TTC27: variants seen among roughly 807,000 people sequenced by gnomAD.
TTC27 encodes tetratricopeptide repeat domain 27.
TTC27 carries 79 observed loss-of-function variants against 115.9 expected under a neutral mutation model. The ratio of observed to expected loss-of-function variants is 0.68; its 90% CI spans 0.57 to 0.82. The LOEUF (loss-of-function observed/expected upper bound fraction) is 0.82, where lower values mean the gene tolerates loss of function less well. TTC27 is among the 40% of genes least tolerant of loss of function. TTC27 has a pLI of 0.00. For synonymous variants in TTC27, 401 were observed against 356.0 expected, an observed-to-expected ratio of 1.13 and a Z score of -1.42; for missense variants, 1,054 against 993.1, an observed-to-expected ratio of 1.06 and a Z score of -0.82.
intron 12 of TTC27, among the ~76,000 whole-genome samples, chr2:32,743,168 A>C (rs973945806): frequency 6.6e-6 from 1 of 152,010 alleles, no homozygotes; most frequent in Non-Finnish European, 1.5e-5. Context: ...TAATATACTG[A>C]CCAGTTGCAA....
chr2:32,791,491 ATTT>A (rs1670533627), intron 16 of TTC27, among the ~76,000 whole-genome samples: 1 of 152,190 alleles, frequency 6.6e-6, no homozygotes, highest in African/African-American at 2.4e-5. Context: ...AATACTCCTC[ATTT>A]TATAGTTGAT....
At position 32,628,345 on chromosome 2, in the gene TTC27, G is replaced by C. The variant is rs771093044; in HGVS notation, c.53G>C (p.Arg18Pro). Residue 18 changes from arginine (R) to proline (P), a missense_variant, in exon 1 of 20, where the codon CGG becomes CCG. Arg to Pro is a moderately radical substitution (Grantham distance 103). Transcript: ENST00000317907. ...AGGGGATTCCCCACTGAGGCTGAGCGGCAGCAATGGAAACAGGAGGGGGTC... is the reference window on the plus strand; with the variant it reads ...AGGGGATTCCCCACTGAGGCTGAGCCGCAGCAATGGAAACAGGAGGGGGTC... ...ILRGFPTEAE[R>P]QQWKQEGVVG... 1 of 1,607,714 alleles carries C rather than the reference G, an allele frequency of 6.2e-7. No homozygotes were observed. The highest frequency in any genetic ancestry group is 8.5e-7 in the Non-Finnish European group (1 of 1,178,088).
intron 13 of TTC27, among the ~76,000 whole-genome samples, chr2:32,772,548 G>A (rs1669864098): frequency 6.6e-6 from 1 of 152,098 alleles, no homozygotes; most frequent in Non-Finnish European, 1.5e-5. Flanking sequence ...TAAATTCCAT[G>A]AGACACTCCA....
rs1369152655 is a variant in TTC27 at position 32,787,139 on chromosome 2, A to G, written c.1988A>G (p.Lys663Arg). The change falls in exon 16 of 20, where the codon AAA becomes AGA. Residue 663 changes from lysine (K) to arginine (R), a missense_variant. Lys to Arg is a conservative substitution (Grantham distance 26). Transcript: ENST00000317907. ...HRLLDLRDKYKDVQVLKILVR... is the reference protein window; with the variant it reads ...HRLLDLRDKYRDVQVLKILVR... ...CTCTTGGACTTACGTGACAAATACAAAGATGTTCAGGTAGGATATTCCTAT... is the reference window on the plus strand; with the variant it reads ...CTCTTGGACTTACGTGACAAATACAGAGATGTTCAGGTAGGATATTCCTAT... 1 of 1,611,976 alleles carries G rather than the reference A, an allele frequency of 6.2e-7. No individual in the cohort carries two copies. Among genetic ancestry groups the G allele is most frequent in the Admixed American group, 1.7e-5 (1 of 59,466 alleles).
chr2:32,726,814 C>A (rs75499843), intron 10 of TTC27, among the ~76,000 whole-genome samples: 1 of 152,074 alleles, frequency 6.6e-6, no homozygotes, highest in Non-Finnish European at 1.5e-5. Context: ...CATAGGAAAA[C>A]GGGGTTTAAT....
At chr2:32,629,368 C>A (rs1010831652) in intron 1 of TTC27, among the ~76,000 whole-genome samples, 9 of 152,158 alleles carry the variant, frequency 5.9e-5, no homozygotes, top group Admixed American at 1.3e-4. Flanking sequence ...GATCCACCCG[C>A]CTCGGCCTCC....
At chr2:32,766,418 A>G in intron 13 of TTC27, 1 of 320,370 alleles carries the variant, frequency 3.1e-6, no homozygotes, top group Non-Finnish European at 6.4e-6. Context: ...GAACGCTGAG[A>G]GGCACTGTAG....
Position 32,717,261 on chromosome 2 carries a change from ACTGTGT to A in TTC27, c.1233+14345_1233+14350del, listed in dbSNP as rs199903751. Among the ~76,000 whole-genome samples the A allele has an allele frequency of 3.1e-4, 47 of 152,302 alleles. 1 individual carries two copies. In the East Asian group the frequency reaches 8.7e-3, roughly 28 times the overall value. On this transcript the variant is annotated intron_variant, in intron 10 of 19. Transcript: ENST00000317907. ...AGTGCTGGGATTACAGGCATGAGCC[ACTGTGT>A]CTGGCCTATATGTTGATTTTTTTAA...
chr2:32,820,872 A>C lies in TTC27; in HGVS notation c.2466A>C (p.Ile822=). Residue 822 remains isoleucine (I), a synonymous_variant, in exon 20 of 20, where the codon ATA becomes ATC. Coordinates refer to ENST00000317907, the MANE Select transcript of TTC27 (RefSeq NM_017735.5). ...GEMSRELADD[I]TAMDTLVTEL... is the part of the protein sequence containing the mutation. ...TGTCCAGGGAATTAGCTGATGACATAACAGCTATGGACACCTTAGTGACAG... is the reference window on the plus strand; with the variant it reads ...TGTCCAGGGAATTAGCTGATGACATCACAGCTATGGACACCTTAGTGACAG... 1.3e-6 allele frequency: 2 copies of C among 1,545,414 alleles called. No individual in the cohort carries two copies. Among genetic ancestry groups the C allele is most frequent in the Non-Finnish European group, 1.8e-6 (2 of 1,142,824 alleles).
chr2:32,628,984 T>C (rs1411855337), intron 1 of TTC27, among the ~76,000 whole-genome samples: 2 of 151,850 alleles, frequency 1.3e-5, no homozygotes, highest in Non-Finnish European at 2.9e-5. Context: ...GGTCTGGAAC[T>C]CCTGACCTCA....
intron 4 of TTC27, among the ~76,000 whole-genome samples, chr2:32,641,741 C>T (rs976502684): frequency 7.9e-5 from 12 of 151,696 alleles, no homozygotes; most frequent in African/African-American, 2.2e-4. Context: ...TGCAATGGCG[C>T]GATCTCGGCT....
chr2:32,658,157 C>A (rs1453765130), intron 5 of TTC27, among the ~76,000 whole-genome samples: 2 of 151,954 alleles, frequency 1.3e-5, no homozygotes, highest in Admixed American at 1.3e-4. Context: ...AGAGACTGCT[C>A]TGTTGCTTAG....
intron 10 of TTC27, among the ~76,000 whole-genome samples, chr2:32,714,701 C>T (rs542947987): frequency 1.3e-5 from 2 of 152,256 alleles, no homozygotes; most frequent in African/African-American, 4.8e-5. Flanking sequence ...AATTTACATT[C>T]CCATCAACGG....
In TTC27 at chr2:32,678,880, A is replaced by T. The variant is rs765718818; in HGVS notation, c.1077A>T (p.Pro359=). Residue 359 remains proline, a synonymous_variant, in exon 9 of 20, where the codon CCA becomes CCT. Coordinates refer to ENST00000317907, the MANE Select transcript of TTC27 (RefSeq NM_017735.5). Reference sequence around the variant, plus strand: ...GCACTAATTTTCAAAAGAATAACCCAGTGCACACATTAACTGAAGTGGAGC... The same window carrying T: ...GCACTAATTTTCAAAAGAATAACCCTGTGCACACATTAACTGAAGTGGAGC... ...GICTNFQKNN[P]VHTLTEVELL... is the part of the protein sequence containing the mutation. The T allele has an allele frequency of 6.2e-7, 1 of 1,613,088 alleles. No homozygotes were observed. The highest frequency in any genetic ancestry group is 2.2e-5 in the East Asian group (1 of 44,822).
intron 13 of TTC27, among the ~76,000 whole-genome samples, chr2:32,770,226 T>C (rs918365367): frequency 2.0e-5 from 3 of 152,220 alleles, no homozygotes; most frequent in Admixed American, 6.5e-5. Flanking sequence ...TGCCAGGTAC[T>C]GTTCTAGAAG....
At chr2:32,816,037 G>T (rs1329428018) in intron 18 of TTC27, among the ~76,000 whole-genome samples, 2 of 152,168 alleles carry the variant, frequency 1.3e-5, no homozygotes, top group Non-Finnish European at 2.9e-5. Flanking sequence ...AATCTATTGG[G>T]CTGGGTATGG....
chr2:32,808,172 T>C (rs886266513), intron 16 of TTC27, among the ~76,000 whole-genome samples: 2 of 152,088 alleles, frequency 1.3e-5, no homozygotes, highest in African/African-American at 4.8e-5. Context: ...CGACCTCATG[T>C]GATCCGCCTA....
chr2:32,679,025 A>G, intron 9 of TTC27, 103 bp downstream of exon 9: 1 of 912,960 alleles, frequency 1.1e-6, no homozygotes, highest in Admixed American at 2.5e-5. Context: ...ACTGCCACCT[A>G]AGGAAATAAG....
chr2:32,725,712 C>G (rs1430743810), intron 10 of TTC27, among the ~76,000 whole-genome samples: 1 of 152,224 alleles, frequency 6.6e-6, no homozygotes, highest in African/African-American at 2.4e-5. Flanking sequence ...CCTCTTCTCA[C>G]AGCTCCACTA....
Sources: allele counts gnomAD v4.1 joint callset (sites outside exome capture counted in the v4.1 genomes callset), GRCh38; gene constraint gnomAD v4.1.1; transcripts MANE v1.5; gene names NCBI Gene and HGNC (gene_info 2026-07-23, HGNC 2026-07-21).